The following A2ML1 variants were observed in gnomAD, a reference collection of about 807,000 sequenced individuals.
The protein encoded by A2ML1 is alpha-2-macroglobulin like 1.
In A2ML1, 161 loss-of-function variants were observed where a neutral mutation model predicts 181.9. The observed-to-expected ratio is 0.89, with a 90% CI of 0.78 to 1.01. A2ML1 has a LOEUF of 1.01. A2ML1 is among the 50% of genes least tolerant of loss of function. The pLI is 0.00. For synonymous variants in A2ML1, 663 were observed against 666.8 expected (o/e 0.99, Z 0.09); for missense variants, 1,670 against 1,768.1 (o/e 0.94, Z 1.00).
intron 5 of A2ML1, 179 bp downstream of exon 5, chr12:8,834,861 T>A: frequency 1.5e-6 from 1 of 646,920 alleles, no homozygotes; most frequent in Non-Finnish European, 2.7e-6. Context: ...TCTGCCCTCC[T>A]AGTCTCTCAC....
chr12:8,836,967 T>G (rs1351630026), intron 7 of A2ML1, among the ~76,000 whole-genome samples: 2 of 152,166 alleles, frequency 1.3e-5, no homozygotes, highest in Non-Finnish European at 2.9e-5. Flanking sequence ...ACTCTAAGAC[T>G]CTGAGTAAAG....
chr12:8,832,130 A>C (rs73251225), intron 4 of A2ML1, among the ~76,000 whole-genome samples: 2,781 of 152,138 alleles, frequency 0.018, 89 homozygotes, highest in African/African-American at 0.063. Flanking sequence ...TTGGAGATGG[A>C]GTCATAGATG....
chr12:8,844,954 G>C (rs1013616438), intron 12 of A2ML1: 1 of 1,322,694 alleles, frequency 7.6e-7, no homozygotes, highest in East Asian at 2.9e-5. Flanking sequence ...TCAAGTGAGA[G>C]TGGACGGGAA....
At chr12:8,824,530 G>T (rs1428563857) in intron 3 of A2ML1, among the ~76,000 whole-genome samples, 1 of 151,630 alleles carries the variant, frequency 6.6e-6, no homozygotes, top group Non-Finnish European at 1.5e-5. Flanking sequence ...ATTTTTAAAT[G>T]TGCAATAAAT....
chr12:8,875,261 A>C (rs1400895981), intron 35 of A2ML1, among the ~76,000 whole-genome samples: 1 of 151,578 alleles, frequency 6.6e-6, no homozygotes, highest in Non-Finnish European at 1.5e-5. Context: ...TATTTTTAGT[A>C]GAGACAGAGT....
chr12:8,873,152 G>A (rs1182556037), intron 33 of A2ML1, among the ~76,000 whole-genome samples: 1 of 152,012 alleles, frequency 6.6e-6, no homozygotes, highest in Admixed American at 6.6e-5. Flanking sequence ...GAGGTCCCTC[G>A]ACCACACTTT....
chr12:8,871,960 A>G (rs767550537), intron 33 of A2ML1, among the ~76,000 whole-genome samples: 1 of 151,972 alleles, frequency 6.6e-6, no homozygotes, highest in African/African-American at 2.4e-5. Context: ...CGGGCAGATC[A>G]TGAGGTCAGG....
chr12:8,837,856 G>T (rs951746166), intron 8 of A2ML1, among the ~76,000 whole-genome samples: 7 of 148,308 alleles, frequency 4.7e-5, no homozygotes, highest in Non-Finnish European at 8.9e-5. Context: ...CTCCAGCGTG[G>T]GTGACAGAGC....
In A2ML1 at chr12:8,863,937, G is replaced by C. The variant is rs1019595713; in HGVS notation, c.3646G>C (p.Ala1216Pro). ...GCCCAGCCTGACTCAAAAGGAGATA[G>C]CGAAGGCCACTAGCATAGTGGCTTG... is the stretch of plus-strand genomic sequence containing the variant. ...TKPSLTQKEIAKATSIVAWLA... is the reference protein window; with the variant it reads ...TKPSLTQKEIPKATSIVAWLA... The change falls in exon 29 of 36, where the codon GCG becomes CCG. Residue 1216 changes from alanine (A) to proline (P), a missense_variant. Transcript: ENST00000299698. The C allele has an allele frequency of 6.2e-7, 1 of 1,613,896 alleles. No homozygotes were observed. The highest frequency in any genetic ancestry group is 2.2e-5 in the East Asian group (1 of 44,898).
chr12:8,847,589 C>T lies in A2ML1; in HGVS notation c.1724C>T (p.Ala575Val). The T allele has an allele frequency of 6.2e-7, 1 of 1,613,276 alleles. No homozygotes were observed. Among genetic ancestry groups the T allele is most frequent in the African/African-American group, 1.3e-5 (1 of 74,986 alleles). Residue 575 changes from alanine (A) to valine (V), a missense_variant, in exon 15 of 36, where the codon GCA becomes GTA. Physicochemically the swap from Ala to Val is moderately conservative, Grantham distance 64 (BLOSUM62 0). Coordinates refer to ENST00000299698, the MANE Select transcript of A2ML1 (RefSeq NM_144670.6). Reference sequence around the variant, plus strand: ...TCCCCCTCCCAGCAGCTTCCAGGAGCAGAAGTGGAGCTGCAGCTGCAGGCA... The same window carrying T: ...TCCCCCTCCCAGCAGCTTCCAGGAGTAGAAGTGGAGCTGCAGCTGCAGGCA... ...GFSPSQQLPG[A>V]EVELQLQAAP...
Position 8,868,356 on chromosome 12 carries a change from A to G in A2ML1, c.4060A>G (p.Ser1354Gly), listed in dbSNP as rs1259214233. 2 of 1,611,174 alleles carry G rather than the reference A, an allele frequency of 1.2e-6. No homozygotes were observed. The highest frequency in any genetic ancestry group is 1.7e-6 in the Non-Finnish European group (2 of 1,179,176). Residue 1354 changes from serine to glycine, a missense_variant and splice_region_variant, in exon 31 of 36, where the codon AGT becomes GGT. Physicochemically the swap from Ser to Gly is moderately conservative, Grantham distance 56. Transcript: ENST00000299698. ...PRSLTLTIHTSYVGSRSSSNM... is the reference protein window; with the variant it reads ...PRSLTLTIHTGYVGSRSSSNM... ...ATCCTTGACTCTCACTATTCACACC[A>G]GGTGATTAAAGCTGGGGTGCTGGTG...
rs201950472 is a variant in A2ML1, at chr12:8,843,302, G to A, written c.1417G>A (p.Asp473Asn). The A allele has an allele frequency of 6.2e-7, 1 of 1,614,020 alleles. No homozygotes were observed. The highest frequency in any genetic ancestry group is 1.3e-5 in the African/African-American group (1 of 74,884). ...KCGQPQEVLV[D>N]YYIDPADASP... ...TGGCCAGCCCCAGGAAGTGCTGGTGGATTATTACATCGACCCGGCCGATGC... is the reference window on the plus strand; with the variant it reads ...TGGCCAGCCCCAGGAAGTGCTGGTGAATTATTACATCGACCCGGCCGATGC... The change falls in exon 12 of 36, where the codon GAT becomes AAT. Residue 473 changes from aspartate to asparagine, a missense_variant. By Grantham distance (23) the Asp-to-Asn change is conservative (BLOSUM62 1). Transcript: ENST00000299698.
At chr12:8,859,476 A>G (rs979090290) in intron 26 of A2ML1, among the ~76,000 whole-genome samples, 1 of 152,148 alleles carries the variant, frequency 6.6e-6, no homozygotes, top group Non-Finnish European at 1.5e-5. Context: ...TCATGAGGTC[A>G]GGAATTAGAG....
Position 8,851,847 on chromosome 12 carries a change from G to GAGTTTCT in A2ML1, c.2299_2305dup (p.Cys769Ter), listed in dbSNP as rs774420600. 5.6e-6 allele frequency: 9 copies of GAGTTTCT among 1,614,224 alleles called. No individual in the cohort carries two copies. Among genetic ancestry groups the GAGTTTCT allele is most frequent in the Non-Finnish European group, 7.6e-6 (9 of 1,180,040 alleles). On this transcript the variant is annotated frameshift_variant, in exon 19 of 36. Coordinates refer to ENST00000299698, the MANE Select transcript of A2ML1 (RefSeq NM_144670.6). LOFTEE classifies it high-confidence loss of function. ...ACGCCATCACCGAGTGGAAGGCGAT[G>GAGTTTCT]AGTTTCTGCACTTCCCAGTCAAGAG...
intron 33 of A2ML1, among the ~76,000 whole-genome samples, chr12:8,869,684 A>G (rs1016662980): frequency 3.3e-5 from 5 of 152,092 alleles, no homozygotes; most frequent in African/African-American, 1.2e-4. Context: ...GCCACAAGTG[A>G]CATTGCAACT....
At position 8,832,003 on chromosome 12, in the gene A2ML1, G is replaced by A. The variant is rs774456027; in HGVS notation, c.462+2224G>A. Reference sequence around the variant, plus strand: ...GACCTCAAGTGATCCGCCCGCCTCGGCCTCCCAAAGTGCTGGGATTACAGG... The same window carrying A: ...GACCTCAAGTGATCCGCCCGCCTCGACCTCCCAAAGTGCTGGGATTACAGG... On this transcript the variant is annotated intron_variant, in intron 4 of 35. Transcript: ENST00000299698. Among the ~76,000 whole-genome samples the A allele has an allele frequency of 5.9e-5, 9 of 152,308 alleles. No individual in the cohort carries two copies. In the South Asian group the frequency reaches 1.9e-3, roughly 32 times the overall value.
intron 17 of A2ML1, 87 bp downstream of exon 17, chr12:8,849,846 C>A: frequency 8.0e-7 from 1 of 1,256,436 alleles, no homozygotes; most frequent in Non-Finnish European, 1.1e-6. Context: ...TGTTCTTGCA[C>A]TGAGCCTCTA....
intron 26 of A2ML1, among the ~76,000 whole-genome samples, chr12:8,859,414 G>A (rs1356838877): frequency 1.3e-5 from 2 of 151,972 alleles, no homozygotes; most frequent in Non-Finnish European, 2.9e-5. Context: ...GGGGCCAGGC[G>A]CAGTGGCTCA....
chr12:8,862,886 T>C (rs527798789), intron 28 of A2ML1, among the ~76,000 whole-genome samples: 2 of 152,210 alleles, frequency 1.3e-5, no homozygotes, highest in Non-Finnish European at 2.9e-5. Flanking sequence ...TTCTGTTTAA[T>C]TAGTCTTCTA....
Sources: allele counts gnomAD v4.1 joint callset (sites outside exome capture counted in the v4.1 genomes callset), GRCh38; gene constraint gnomAD v4.1.1; transcripts MANE v1.5; gene names NCBI Gene and HGNC (gene_info 2026-07-23, HGNC 2026-07-21).